Variants in BORA observed in about 807,000 individuals in gnomAD.
BORA encodes the protein BORA aurora kinase A activator.
Under a neutral mutation model 55.8 loss-of-function variants are expected in BORA, and 26 were observed. The observed-to-expected ratio is 0.47, with a 90% CI of 0.34 to 0.65. BORA has a LOEUF of 0.65. BORA is among the 30% of genes least tolerant of loss of function. The pLI is 0.01. For synonymous variants in BORA, 201 were observed against 216.9 expected, an observed-to-expected ratio of 0.93 and a Z score of 0.64; for missense variants, 568 against 671.5, an observed-to-expected ratio of 0.85 and a Z score of 1.70.
chr13:72,743,710 T>G (rs1238457657), intron 6 of BORA, 108 bp downstream of exon 6: 3 of 300,264 alleles, frequency 1.0e-5, no homozygotes, highest in African/African-American at 8.7e-5. Context: ...AATTGTTTCC[T>G]TTTTTTTTTT....
rs1244179395 is a variant in BORA at position 72,747,035 on chromosome 13, G to A, written c.1406G>A (p.Ser469Asn). The A allele has an allele frequency of 1.2e-6, 2 of 1,613,982 alleles. 1 individual carries two copies. Among genetic ancestry groups the A allele is most frequent in the Middle Eastern group, 3.3e-4 (2 of 6,080 alleles). ...MTDFVSGIAF[S>N]IENSHMCMSP... Reference sequence around the variant, plus strand: ...GATTTTGTAAGTGGCATTGCCTTCAGTATTGAAAACTCTCATATGTGCATG... The same window carrying A: ...GATTTTGTAAGTGGCATTGCCTTCAATATTGAAAACTCTCATATGTGCATG... Residue 469 changes from serine to asparagine, a missense_variant, in exon 10 of 12, where the codon AGT becomes AAT. Transcript: ENST00000390667.
At chr13:72,730,574 G>A (rs1244393408) in intron 2 of BORA, among the ~76,000 whole-genome samples, 1 of 152,092 alleles carries the variant, frequency 6.6e-6, no homozygotes, top group Non-Finnish European at 1.5e-5. Context: ...AAGTGACTAA[G>A]GACTTTAATT....
chr13:72,728,814 T>G (rs2032744545), intron 1 of BORA, 112 bp from the exon 2 acceptor site: 27 of 892,378 alleles, frequency 3.0e-5, no homozygotes, highest in Non-Finnish European at 3.7e-5. Flanking sequence ...CCCAAGAGTG[T>G]GAGGTTTTGA....
chr13:72,736,491 A>C (rs1196638355), intron 4 of BORA, among the ~76,000 whole-genome samples: 1 of 152,094 alleles, frequency 6.6e-6, no homozygotes, highest in Non-Finnish European at 1.5e-5. Flanking sequence ...TCGTTCTCAT[A>C]CTGCATCCTC....
intron 10 of BORA, 24 bp from the exon 11 acceptor site, chr13:72,753,665 AT>A: frequency 6.3e-7 from 1 of 1,598,826 alleles, no homozygotes; most frequent in Non-Finnish European, 8.5e-7. Flanking sequence ...CTCACAATAT[AT>A]TTTTTTCTTT....
chr13:72,738,004 C>G lies in BORA; in HGVS notation c.349C>G (p.His117Asp). The change falls in exon 5 of 12, where the codon CAT becomes GAT. Residue 117 changes from histidine to aspartate, a missense_variant. Transcript: ENST00000390667. Reference protein sequence around the residue: ...DVIVPSPWTDHEGKQLSQCHS... With the variant: ...DVIVPSPWTDDEGKQLSQCHS... ...CATCGTACCCTCTCCTTGGACTGATCATGAAGGGAAACAGCTTTCACAATG... is the reference window on the plus strand; with the variant it reads ...CATCGTACCCTCTCCTTGGACTGATGATGAAGGGAAACAGCTTTCACAATG... The G allele has an allele frequency of 6.2e-7, 1 of 1,600,880 alleles. No individual in the cohort carries two copies. Among genetic ancestry groups the G allele is most frequent in the Non-Finnish European group, 8.5e-7 (1 of 1,171,824 alleles).
At chr13:72,731,224 A>G (rs1054371881) in intron 2 of BORA, 57 bp from the exon 3 acceptor site, 1 of 1,002,014 alleles carries the variant, frequency 1.0e-6, no homozygotes. Context: ...ATAGGTTAGC[A>G]TTTTGATGAA....
intron 3 of BORA, among the ~76,000 whole-genome samples, chr13:72,733,692 T>A (rs1404685404): frequency 6.6e-6 from 1 of 152,214 alleles, no homozygotes; most frequent in Non-Finnish European, 1.5e-5. Context: ...CATTTTGTTA[T>A]CCTCAAAATG....
intron 5 of BORA, among the ~76,000 whole-genome samples, chr13:72,742,925 T>C (rs1362478993): frequency 6.6e-6 from 1 of 151,968 alleles, no homozygotes; most frequent in Non-Finnish European, 1.5e-5. Flanking sequence ...GAAAGACAAA[T>C]ACTGAATGAT....
intron 4 of BORA, among the ~76,000 whole-genome samples, 179 bp downstream of exon 4, chr13:72,735,184 A>G (rs2032894324): frequency 6.6e-6 from 1 of 152,184 alleles, no homozygotes; most frequent in Non-Finnish European, 1.5e-5. Context: ...ATTTCCAGCT[A>G]TCCCAGTACC....
At chr13:72,729,483 G>A (rs1214064626) in intron 2 of BORA, among the ~76,000 whole-genome samples, 5 of 152,148 alleles carry the variant, frequency 3.3e-5, no homozygotes, top group South Asian at 2.1e-4. Context: ...ATTACACTGT[G>A]AACAAGTTAG....
At chr13:72,730,269 A>G (rs951262829) in intron 2 of BORA, among the ~76,000 whole-genome samples, 9 of 152,216 alleles carry the variant, frequency 5.9e-5, no homozygotes, top group African/African-American at 1.4e-4. Flanking sequence ...AGCAGTTTAT[A>G]TTGAGTCATT....
At chr13:72,750,782 A>G (rs926798225) in intron 10 of BORA, among the ~76,000 whole-genome samples, 4 of 152,136 alleles carry the variant, frequency 2.6e-5, no homozygotes, top group Non-Finnish European at 5.9e-5. Context: ...CAGATATAAT[A>G]GATATCGTCA....
In BORA at chr13:72,731,342, A is replaced by C; in HGVS notation, c.215A>C (p.Asp72Ala). The change falls in exon 3 of 12, where the codon GAC becomes GCC. Residue 72 changes from aspartate to alanine, a missense_variant. Asp to Ala is a moderately radical substitution (Grantham distance 126). Coordinates refer to ENST00000390667, the MANE Select transcript of BORA (RefSeq NM_024808.5). ...QLAVINPVEI[D>A]PEDIHRQALY... The stretch of plus-strand genomic sequence containing the variant: ...GCTGTAATAAATCCTGTAGAAATAG[A>C]CCCAGAAGATATTCATCGTCAAGCT... The C allele has an allele frequency of 6.2e-7, 1 of 1,612,464 alleles. No individual in the cohort carries two copies. The highest frequency in any genetic ancestry group is 8.5e-7 in the Non-Finnish European group (1 of 1,179,116).
At position 72,747,016 on chromosome 13, in the gene BORA, G is replaced by C. The variant is rs78443721; in HGVS notation, c.1387G>C (p.Val463Leu). Residue 463 changes from valine to leucine, a missense_variant, in exon 10 of 12, where the codon GTA becomes CTA. Coordinates refer to ENST00000390667, the MANE Select transcript of BORA (RefSeq NM_024808.5). ...TGGCAGTTTACCCATGACTGATTTT[G>C]TAAGTGGCATTGCCTTCAGTATTGA... ...DNGSLPMTDF[V>L]SGIAFSIENS... The C allele has an allele frequency of 4.3e-6, 7 of 1,614,068 alleles. No homozygotes were observed. In the Admixed American group the frequency reaches 8.3e-5, roughly 19 times the overall value.
chr13:72,754,968 C>G, intron 11 of BORA, 183 bp from the exon 12 acceptor site: 2 of 538,200 alleles, frequency 3.7e-6, no homozygotes, highest in South Asian at 4.8e-5. Context: ...CCCACCTTGG[C>G]CTCTCAAAGT....
At chr13:72,734,684 T>C (rs2138049048) in intron 3 of BORA, among the ~76,000 whole-genome samples, 1 of 152,314 alleles carries the variant, frequency 6.6e-6, no homozygotes, top group East Asian at 1.9e-4. Flanking sequence ...TTAAAAGCAA[T>C]TTAATATCAA....
chr13:72,728,932 C>T lies in BORA; in HGVS notation c.-9C>T, dbSNP rs2032747403. 2 of 1,570,596 alleles carry T rather than the reference C, an allele frequency of 1.3e-6. No homozygotes were observed. Among genetic ancestry groups the T allele is most frequent in the South Asian group, 1.2e-5 (1 of 83,620 alleles). ...ACTCTTGATTTCTTTTTAGTTTTCT[C>T]TCTGTGCTATGGGAGATGTCAAGGA... On this transcript the variant is annotated 5_prime_UTR_variant, in exon 2 of 12. Coordinates refer to ENST00000390667, the MANE Select transcript of BORA (RefSeq NM_024808.5).
At chr13:72,747,207 T>C (rs2033169441) in intron 10 of BORA, 96 bp downstream of exon 10, 4 of 1,315,518 alleles carry the variant, frequency 3.0e-6, no homozygotes, top group Non-Finnish European at 4.2e-6. Flanking sequence ...GGATTAAACA[T>C]GAGGACTACA....
Sources: gnomAD v4.1 joint callset for allele counts (sites outside exome capture counted in the v4.1 genomes callset) on GRCh38, gnomAD v4.1.1 for gene constraint, MANE v1.5 for transcripts, NCBI Gene and HGNC (gene_info 2026-07-23, HGNC 2026-07-21) for gene names.